Variants in DPY19L1 observed in about 807,000 individuals in gnomAD.
DPY19L1 encodes protein C-mannosyl-transferase DPY19L1.
A neutral mutation model predicts 96.9 loss-of-function variants in DPY19L1; 35 were observed. The observed-to-expected ratio is 0.36, with a 90% CI of 0.28 to 0.48. The LOEUF (loss-of-function observed/expected upper bound fraction) is 0.48. DPY19L1 is among the 20% of genes least tolerant of loss of function. The pLI is 0.99. For missense variants in DPY19L1, 521 were observed against 777.9 expected, an observed-to-expected ratio of 0.67 and a Z score of 3.93; for synonymous variants, 205 against 252.6, an observed-to-expected ratio of 0.81 and a Z score of 1.79.
intron 6 of DPY19L1, 25 bp downstream of exon 6, chr7:35,010,443 T>C: frequency 7.5e-7 from 1 of 1,335,726 alleles, no homozygotes; most frequent in South Asian, 1.3e-5. Context: ...GTATATCTTA[T>C]AAACACATAC....
At chr7:34,974,361 T>C (rs1784789949) in intron 7 of DPY19L1, among the ~76,000 whole-genome samples, 1 of 152,212 alleles carries the variant, frequency 6.6e-6, no homozygotes, top group Non-Finnish European at 1.5e-5. Context: ...TGTCTTTCAA[T>C]GCAAGCACGG....
chr7:34,982,400 T>G (rs889292300), intron 7 of DPY19L1, among the ~76,000 whole-genome samples: 4 of 152,214 alleles, frequency 2.6e-5, no homozygotes, highest in African/African-American at 9.6e-5. Context: ...TGTCAGTGTT[T>G]GTATAAGAGA....
At chr7:35,010,014 A>T (rs1230643971) in intron 6 of DPY19L1, among the ~76,000 whole-genome samples, 2 of 152,168 alleles carry the variant, frequency 1.3e-5, no homozygotes, top group Non-Finnish European at 2.9e-5. Flanking sequence ...AGATCACTCA[A>T]GCCCAGGAAG....
chr7:35,015,985 G>A (rs1428335448), intron 3 of DPY19L1, among the ~76,000 whole-genome samples: 1 of 152,014 alleles, frequency 6.6e-6, no homozygotes, highest in African/African-American at 2.4e-5. Context: ...CAAACTAAAA[G>A]ATTAATATCA....
At chr7:34,934,356 T>C (rs1248542212) in intron 21 of DPY19L1, among the ~76,000 whole-genome samples, 1 of 152,214 alleles carries the variant, frequency 6.6e-6, no homozygotes, top group Non-Finnish European at 1.5e-5. Flanking sequence ...GACTGTATAC[T>C]GAACAATAAA....
chr7:34,989,907 A>T lies in DPY19L1; in HGVS notation c.799T>A (p.Cys267Ser), dbSNP rs1247650605. The T allele has an allele frequency of 2.5e-6, 4 of 1,607,810 alleles. No individual in the cohort carries two copies. The South Asian group carries it at 4.5e-5, about 18-fold the overall frequency. The change falls in exon 7 of 22, where the codon TGC becomes AGC. Residue 267 changes from cysteine to serine, a missense_variant. Physicochemically the swap from Cys to Ser is moderately radical, Grantham distance 112. Coordinates refer to ENST00000638088, the MANE Select transcript of DPY19L1 (RefSeq NM_001366673.1). The part of the protein sequence containing the change: ...SRLGGLVTVL[C>S]FFFNHGECTR... ...ACCTCTCCATGATTGAAAAAGAAGC[A>T]CAACACTGTAACCAGGCCTCCTAAT...
At chr7:35,012,950 GAT>G (rs34039494) in intron 4 of DPY19L1, among the ~76,000 whole-genome samples, 28 of 151,408 alleles carry the variant, frequency 1.8e-4, no homozygotes, top group Middle Eastern at 6.9e-3. Flanking sequence ...AGAGAACACT[GAT>G]ATATATATAT....
intron 10 of DPY19L1, among the ~76,000 whole-genome samples, chr7:34,963,535 T>C (rs1301789539): frequency 2.0e-5 from 3 of 152,258 alleles, no homozygotes; most frequent in East Asian, 1.9e-4. Flanking sequence ...CCCATGTTCA[T>C]AGCAGCATTA....
At chr7:34,976,562 A>G (rs1784835080) in intron 7 of DPY19L1, among the ~76,000 whole-genome samples, 1 of 152,206 alleles carries the variant, frequency 6.6e-6, no homozygotes, top group Admixed American at 6.5e-5. Flanking sequence ...TCCTATTTTG[A>G]AAGTTCTAGT....
intron 1 of DPY19L1, among the ~76,000 whole-genome samples, chr7:35,026,750 G>A (rs1584263513): frequency 1.3e-5 from 2 of 152,156 alleles, no homozygotes; most frequent in Non-Finnish European, 2.9e-5. Flanking sequence ...TTGGCAAAAC[G>A]TGATAGCTGA....
At chr7:34,968,014 C>T (rs140301993) in intron 9 of DPY19L1, among the ~76,000 whole-genome samples, 1 of 152,072 alleles carries the variant, frequency 6.6e-6, no homozygotes, top group Non-Finnish European at 1.5e-5. Flanking sequence ...CAGGCAGTCT[C>T]CACTATCAGG....
intron 21 of DPY19L1, 85 bp downstream of exon 21, chr7:34,937,909 C>A (rs569059632): frequency 8.3e-6 from 12 of 1,442,928 alleles, no homozygotes; most frequent in South Asian, 3.8e-5. Context: ...TATACACACC[C>A]CCGCCACCAG....
intron 10 of DPY19L1, among the ~76,000 whole-genome samples, chr7:34,966,279 T>C (rs568991695): frequency 6.6e-6 from 1 of 152,288 alleles, no homozygotes; most frequent in South Asian, 2.1e-4. Context: ...GCCTTGACAG[T>C]TGACGCTCAG....
intron 6 of DPY19L1, among the ~76,000 whole-genome samples, chr7:34,995,514 A>T (rs1279373764): frequency 6.6e-6 from 1 of 152,158 alleles, no homozygotes; most frequent in Admixed American, 6.5e-5. Context: ...GGACCTCAAA[A>T]TACTTTCCAG....
At chr7:35,006,091 CAAAAGA>C (rs946156410) in intron 6 of DPY19L1, among the ~76,000 whole-genome samples, 1 of 152,098 alleles carries the variant, frequency 6.6e-6, no homozygotes, top group East Asian at 1.9e-4. Flanking sequence ...GCACCCTTTT[CAAAAGA>C]GAAAGAAAAA....
intron 1 of DPY19L1, among the ~76,000 whole-genome samples, chr7:35,022,180 T>C (rs1786010717): frequency 2.0e-5 from 3 of 152,322 alleles, no homozygotes; most frequent in Admixed American, 6.5e-5. Flanking sequence ...TGATAATCCA[T>C]TTATTTCCAC....
upstream of DPY19L1, chr7:35,037,926 CCT>C: frequency 8.1e-7 from 1 of 1,233,508 alleles, no homozygotes; most frequent in Non-Finnish European, 1.0e-6. Flanking sequence ...AAGGAAGAGC[CCT>C]CTCGGGATCG....
rs1168879949 is a variant in DPY19L1, at chr7:34,969,276, A to ATTTCTAAAAAATGTTTTAGAAAAACATTT, written c.1014+128_1014+156dup. Among the ~76,000 whole-genome samples the ATTTCTAAAAAATGTTTTAGAAAAACATTT allele has an allele frequency of 1.9e-4, 29 of 152,086 alleles. 1 individual carries two copies. Among genetic ancestry groups the ATTTCTAAAAAATGTTTTAGAAAAACATTT allele is most frequent in the African/African-American group, 7.0e-4 (29 of 41,480 alleles). On this transcript the variant is annotated intron_variant, in intron 9 of 21. Coordinates refer to ENST00000638088, the MANE Select transcript of DPY19L1 (RefSeq NM_001366673.1). ...TACCCTGAACTTTCTTTTGTTCAAT[A>ATTTCTAAAAAATGTTTTAGAAAAACATTT]TTTCTAAAAAATGTTTTAGAAAAAC...
chr7:35,009,550 G>C (rs748413716), intron 6 of DPY19L1, among the ~76,000 whole-genome samples: 124 of 152,282 alleles, frequency 8.1e-4, no homozygotes, highest in Non-Finnish European at 1.3e-3. Flanking sequence ...TTACATAGAA[G>C]ATACTTCTAC....
Sources: allele counts gnomAD v4.1 joint callset (sites outside exome capture counted in the v4.1 genomes callset), GRCh38; gene constraint gnomAD v4.1.1; transcripts MANE v1.5; gene names NCBI Gene and HGNC (gene_info 2026-07-23, HGNC 2026-07-21).